GALK2: variants seen among roughly 807,000 people sequenced by gnomAD.
GALK2 encodes the protein N-acetylgalactosamine kinase.
In GALK2, 36 loss-of-function variants were observed where a neutral mutation model predicts 52.4. The observed-to-expected ratio is 0.69, with a 90% confidence interval of 0.53 to 0.91. The LOEUF is 0.91. GALK2 is among the 40% of genes least tolerant of loss of function. GALK2 has a pLI of 0.00. For missense variants in GALK2, 579 were observed against 559.1 expected, an observed-to-expected ratio of 1.04 and a Z score of -0.36; for synonymous variants, 176 against 199.1, an observed-to-expected ratio of 0.88 and a Z score of 0.98.
At chr15:49,189,615 G>T (rs1222920454) in intron 1 of GALK2, among the ~76,000 whole-genome samples, 1 of 152,046 alleles carries the variant, frequency 6.6e-6, no homozygotes, top group Non-Finnish European at 1.5e-5. Flanking sequence ...CATAGGCTTT[G>T]GGGTCATTAT....
At chr15:49,170,490 G>A in intron 1 of GALK2, 115 bp downstream of exon 1, 1 of 989,052 alleles carries the variant, frequency 1.0e-6, no homozygotes, top group Non-Finnish European at 1.5e-6. Flanking sequence ...GGGAGCAAGT[G>A]GAACCCTTGG....
chr15:49,172,855 A>C (rs1425134183), intron 1 of GALK2, among the ~76,000 whole-genome samples: 6 of 152,128 alleles, frequency 3.9e-5, no homozygotes, highest in African/African-American at 1.4e-4. Flanking sequence ...CTTTTGGATT[A>C]AGTTTTAAAA....
At chr15:49,318,257 TACC>T (rs1217854223) in intron 8 of GALK2, 1 of 152,180 alleles carries the variant, frequency 6.6e-6, no homozygotes, top group East Asian at 1.9e-4. Flanking sequence ...CATTGCAATA[TACC>T]ATGTTTCTGT....
At position 49,268,234 on chromosome 15, in the gene GALK2, A is replaced by C. The variant is rs888169514; in HGVS notation, c.505-13753A>C. On this transcript the variant is annotated intron_variant, in intron 5 of 9. Transcript: ENST00000560031. ...AACAAACATACACAAATATCTGTAC[A>C]CAGATTGTGATAAATGTTATGAAGG... 2.6e-5 allele frequency among the ~76,000 whole-genome samples: 4 copies of C among 152,216 alleles called. No individual in the cohort carries two copies. In the South Asian group the frequency reaches 8.3e-4, roughly 32 times the overall value.
chr15:49,268,397 A>C (rs1278521602), intron 5 of GALK2, among the ~76,000 whole-genome samples: 1 of 152,226 alleles, frequency 6.6e-6, no homozygotes, highest in African/African-American at 2.4e-5. Context: ...TTTTAAAGTC[A>C]CTATGTCATA....
intron 3 of GALK2, among the ~76,000 whole-genome samples, chr15:49,350,878 C>T (rs953897523): frequency 7.2e-5 from 11 of 152,162 alleles, no homozygotes; most frequent in African/African-American, 2.4e-5. Flanking sequence ...AAAGGAGAGA[C>T]TGCTGATAGG....
chr15:49,362,683 T>C (rs188885391), intron 3 of GALK2, among the ~76,000 whole-genome samples: 15 of 152,346 alleles, frequency 9.8e-5, no homozygotes, highest in Non-Finnish European at 2.2e-4. Context: ...ATCTTTATCA[T>C]GAAATCTTTG....
At chr15:49,212,228 G>A (rs191167792) in intron 2 of GALK2, among the ~76,000 whole-genome samples, 26 of 152,084 alleles carry the variant, frequency 1.7e-4, no homozygotes, top group Non-Finnish European at 3.4e-4. Context: ...GAGTAGCTGG[G>A]ATTACAGGTG....
At chr15:49,167,630 A>G (rs2084865317), upstream of GALK2, among the ~76,000 whole-genome samples, 1 of 152,248 alleles carries the variant, frequency 6.6e-6, no homozygotes, top group Non-Finnish European at 1.5e-5. Context: ...AAGTGCTGGG[A>G]TTATAGGCAT....
chr15:49,211,006 C>T (rs1349979646), intron 2 of GALK2, among the ~76,000 whole-genome samples: 1 of 151,220 alleles, frequency 6.6e-6, no homozygotes, highest in South Asian at 2.1e-4. Flanking sequence ...CACACACACA[C>T]GGCCTTTTCA....
At chr15:49,186,018 C>G (rs190488961) in intron 1 of GALK2, among the ~76,000 whole-genome samples, 1 of 152,026 alleles carries the variant, frequency 6.6e-6, no homozygotes, top group Non-Finnish European at 1.5e-5. Context: ...TCTTCTCTTC[C>G]TGCTTTTAGG....
At chr15:49,364,900 T>C (rs2151433524) in intron 3 of GALK2, among the ~76,000 whole-genome samples, 1 of 152,202 alleles carries the variant, frequency 6.6e-6, no homozygotes, top group African/African-American at 2.4e-5. Context: ...TCTTGGAAAC[T>C]ACACAGACCA....
intron 5 of GALK2, among the ~76,000 whole-genome samples, chr15:49,256,133 G>A (rs1402434371): frequency 4.7e-4 from 71 of 152,072 alleles, no homozygotes; most frequent in Admixed American, 4.7e-3. Context: ...AAAATACCAA[G>A]CAACGCGAAT....
intron 5 of GALK2, among the ~76,000 whole-genome samples, chr15:49,279,962 A>C (rs2032450626): frequency 6.6e-6 from 1 of 152,244 alleles, no homozygotes; most frequent in Non-Finnish European, 1.5e-5. Flanking sequence ...TAGTGAATCC[A>C]CATGACCAAC....
At chr15:49,279,287 G>A (rs1488956596) in intron 5 of GALK2, among the ~76,000 whole-genome samples, 1 of 152,116 alleles carries the variant, frequency 6.6e-6, no homozygotes, top group East Asian at 1.9e-4. Flanking sequence ...TGAATACATG[G>A]AAAAAATAAT....
intron 8 of GALK2, among the ~76,000 whole-genome samples, chr15:49,318,650 T>C (rs1205058034): frequency 2.0e-5 from 3 of 152,266 alleles, no homozygotes; most frequent in East Asian, 3.9e-4. Flanking sequence ...TATAGGTACA[T>C]ATATAAACAT....
downstream of GALK2, chr15:49,335,635 T>C: frequency 1.8e-6 from 1 of 561,872 alleles, no homozygotes; most frequent in Non-Finnish European, 3.2e-6. Context: ...ACATGAATAT[T>C]ATGTCTGGAG....
intron 1 of GALK2, among the ~76,000 whole-genome samples, chr15:49,182,578 A>T (rs1213279320): frequency 6.6e-6 from 1 of 152,212 alleles, no homozygotes; most frequent in Non-Finnish European, 1.5e-5. Context: ...TGTTCTCGGT[A>T]GTGGTTGTAC....
intron 2 of GALK2, among the ~76,000 whole-genome samples, chr15:49,216,676 G>C (rs1335858926): frequency 9.9e-5 from 15 of 152,232 alleles, no homozygotes; most frequent in Non-Finnish European, 1.5e-5. Context: ...TTGGGACTCA[G>C]GTTCCTCCTG....
Sources: allele counts gnomAD v4.1 joint callset (sites outside exome capture counted in the v4.1 genomes callset), GRCh38; gene constraint gnomAD v4.1.1; transcripts MANE v1.5; gene names NCBI Gene and HGNC (gene_info 2026-07-23, HGNC 2026-07-21).